Variants in DYNC1I1 observed in about 807,000 individuals in gnomAD.
DYNC1I1 encodes cytoplasmic dynein 1 intermediate chain 1.
DYNC1I1 carries 43 observed loss-of-function variants against 86.6 expected under a neutral mutation model. The ratio of observed to expected loss-of-function variants is 0.50; its 90% CI spans 0.39 to 0.64. The LOEUF (loss-of-function observed/expected upper bound fraction) is 0.64. DYNC1I1 is among the 30% of genes least tolerant of loss of function. The pLI is 0.00. For synonymous variants in DYNC1I1, 262 were observed against 283.7 expected (o/e 0.92, Z 0.77); for missense variants, 604 against 788.8 (o/e 0.77, Z 2.81).
At chr7:96,043,571 G>A (rs1266182325) in intron 14 of DYNC1I1, among the ~76,000 whole-genome samples, 2 of 151,346 alleles carry the variant, frequency 1.3e-5, no homozygotes, top group African/African-American at 2.4e-5. Flanking sequence ...ACAAAACTTG[G>A]GACATTTCAG....
chr7:95,836,869 C>T (rs1789109052), intron 5 of DYNC1I1, among the ~76,000 whole-genome samples: 1 of 151,654 alleles, frequency 6.6e-6, no homozygotes, highest in South Asian at 2.1e-4. Flanking sequence ...ATACATTCTT[C>T]TAAATTTTTT....
chr7:95,890,639 T>C (rs1790712551), intron 6 of DYNC1I1, among the ~76,000 whole-genome samples: 1 of 152,160 alleles, frequency 6.6e-6, no homozygotes, highest in Admixed American at 6.5e-5. Flanking sequence ...CTTTAAAGTA[T>C]GTTAAAATTG....
intron 16 of DYNC1I1, among the ~76,000 whole-genome samples, chr7:96,086,459 TA>T (rs1790682334): frequency 6.6e-6 from 1 of 152,184 alleles, no homozygotes; most frequent in South Asian, 2.1e-4. Context: ...AATGGAAACT[TA>T]AAAACCATGG....
At chr7:95,870,939 T>C (rs1790146952) in intron 6 of DYNC1I1, among the ~76,000 whole-genome samples, 1 of 152,120 alleles carries the variant, frequency 6.6e-6, no homozygotes, top group African/African-American at 2.4e-5. Flanking sequence ...CTTCGGTGGG[T>C]GAAGAGGATG....
chr7:96,039,551 T>C, intron 14 of DYNC1I1, 130 bp downstream of exon 14: 1 of 1,119,046 alleles, frequency 8.9e-7, no homozygotes, highest in Non-Finnish European at 1.3e-6. Context: ...TACCTTCTGG[T>C]GAGCTCAGTC....
At chr7:95,787,424 T>A (rs915567115) in intron 1 of DYNC1I1, among the ~76,000 whole-genome samples, 3 of 152,096 alleles carry the variant, frequency 2.0e-5, no homozygotes, top group African/African-American at 7.2e-5. Flanking sequence ...AGGCAGAATC[T>A]AGGTGTGGCA....
intron 10 of DYNC1I1, among the ~76,000 whole-genome samples, chr7:96,015,961 C>CAT (rs1160792366): frequency 6.6e-6 from 1 of 152,142 alleles, no homozygotes; most frequent in Non-Finnish European, 1.5e-5. Context: ...CCAAGGTAGA[C>CAT]ATAGTCCTAG....
At chr7:95,906,351 G>A (rs144425202) in intron 6 of DYNC1I1, among the ~76,000 whole-genome samples, 7 of 152,254 alleles carry the variant, frequency 4.6e-5, no homozygotes, top group East Asian at 1.9e-4. Context: ...TATGATATTC[G>A]TAAAAAGTAA....
At chr7:96,064,244 CTCT>C (rs1209843083) in intron 14 of DYNC1I1, among the ~76,000 whole-genome samples, 8 of 149,528 alleles carry the variant, frequency 5.4e-5, no homozygotes, top group African/African-American at 2.0e-4. Context: ...CTCTCTCTCT[CTCT>C]CCCTCTCTCA....
At chr7:95,947,682 T>C (rs1274834760) in intron 6 of DYNC1I1, among the ~76,000 whole-genome samples, 1 of 152,074 alleles carries the variant, frequency 6.6e-6, no homozygotes, top group African/African-American at 2.4e-5. Context: ...CTGATATCTC[T>C]CCAGTTCCCT....
intron 1 of DYNC1I1, among the ~76,000 whole-genome samples, chr7:95,790,537 G>A (rs953518220): frequency 2.0e-5 from 3 of 152,138 alleles, no homozygotes; most frequent in Admixed American, 1.3e-4. Context: ...TGAGCAAGGT[G>A]GTAACCACAG....
At chr7:96,074,951 A>G (rs1003590961) in intron 14 of DYNC1I1, among the ~76,000 whole-genome samples, 8 of 152,230 alleles carry the variant, frequency 5.3e-5, no homozygotes, top group African/African-American at 1.9e-4. Flanking sequence ...GACATTGGGG[A>G]AAAAAACTCC....
chr7:95,877,232 G>T (rs1196161343), intron 6 of DYNC1I1, among the ~76,000 whole-genome samples: 2 of 152,160 alleles, frequency 1.3e-5, no homozygotes, highest in African/African-American at 4.8e-5. Context: ...TGAGTACAAG[G>T]TGGGGACTCC....
chr7:95,934,952 TTGTG>T (rs145382652), intron 6 of DYNC1I1, among the ~76,000 whole-genome samples: 15 of 148,960 alleles, frequency 1.0e-4, no homozygotes, highest in South Asian at 4.3e-4. Flanking sequence ...GTTTTTTGTT[TTGTG>T]TGTGTGTGTG....
At chr7:96,024,690 AT>A (rs893502381) in intron 10 of DYNC1I1, among the ~76,000 whole-genome samples, 3 of 152,194 alleles carry the variant, frequency 2.0e-5, no homozygotes, top group African/African-American at 7.2e-5. Flanking sequence ...GTTACTAATA[AT>A]TTTTTTAGAT....
intron 5 of DYNC1I1, among the ~76,000 whole-genome samples, chr7:95,832,192 C>G (rs554714061): frequency 8.8e-6 from 1 of 113,440 alleles, no homozygotes; most frequent in Non-Finnish European, 1.7e-5. Flanking sequence ...TTGTTCAATT[C>G]CCACCTATGA....
At chr7:95,826,111 C>T (rs927646921) in intron 4 of DYNC1I1, among the ~76,000 whole-genome samples, 6 of 152,204 alleles carry the variant, frequency 3.9e-5, no homozygotes, top group Non-Finnish European at 8.8e-5. Context: ...TCGGGCCACC[C>T]GCACACCTAC....
At chr7:95,932,801 C>T (rs1470331287) in intron 6 of DYNC1I1, among the ~76,000 whole-genome samples, 1 of 152,032 alleles carries the variant, frequency 6.6e-6, no homozygotes, top group Non-Finnish European at 1.5e-5. Flanking sequence ...ATTTTTACAA[C>T]TCAGAAGGCA....
At chr7:95,888,768 AC>A (rs1171970373) in intron 6 of DYNC1I1, among the ~76,000 whole-genome samples, 3 of 152,228 alleles carry the variant, frequency 2.0e-5, no homozygotes, top group Admixed American at 1.3e-4. Flanking sequence ...TCAAAACATG[AC>A]TTAGTAGCTG....
Sources: gnomAD v4.1 joint callset for allele counts (sites outside exome capture counted in the v4.1 genomes callset) on GRCh38, gnomAD v4.1.1 for gene constraint, MANE v1.5 for transcripts, NCBI Gene and HGNC (gene_info 2026-07-23, HGNC 2026-07-21) for gene names.